The following ANKRD52 variants were observed in gnomAD, a reference collection of about 807,000 sequenced individuals.
The protein encoded by ANKRD52 is serine/threonine-protein phosphatase 6 regulatory ankyrin repeat subunit C.
A neutral mutation model predicts 116.0 loss-of-function variants in ANKRD52; 7 were observed. That is an observed-to-expected ratio of 0.06 (90% CI 0.03 to 0.11). ANKRD52 has a LOEUF of 0.11. ANKRD52 is among the 10% of genes least tolerant of loss of function. The pLI is 1.00. For synonymous variants in ANKRD52, 528 were observed against 578.1 expected (o/e 0.91, Z 1.24); for missense variants, 839 against 1,408.6 (o/e 0.60, Z 6.47).
rs1489107692 is a variant in ANKRD52, at chr12:56,243,011, C to T, written c.*131G>A. On this transcript the variant is annotated 3_prime_UTR_variant, in exon 28 of 28. Coordinates refer to ENST00000267116, the MANE Select transcript of ANKRD52 (RefSeq NM_173595.4). The surrounding 1 kb of genome is among the most constrained non-coding windows in gnomAD (Gnocchi z 4.6). Reference sequence around the variant, plus strand: ...GGCAAAGGGGTGAGCAGCTGCTCCCCAGGGCTTCCTTCCCCTCCGCCCCCT... The same window carrying T: ...GGCAAAGGGGTGAGCAGCTGCTCCCTAGGGCTTCCTTCCCCTCCGCCCCCT... The T allele has an allele frequency of 2.3e-6, 3 of 1,303,810 alleles. No homozygotes were observed. Among genetic ancestry groups the T allele is most frequent in the Non-Finnish European group, 3.1e-6 (3 of 979,980 alleles). The allele number at this position is 1,303,810 out of a possible 1,614,324, so 80.8% of individuals were successfully genotyped here. A position where few individuals can be genotyped will look rare whatever the true frequency, so the allele number is the denominator to read the frequency against.
Position 56,258,353 on chromosome 12 carries a change from G to C in ANKRD52, c.-84C>G. 1 of 1,364,996 alleles carries C rather than the reference G, an allele frequency of 7.3e-7. No homozygotes were observed. The highest frequency in any genetic ancestry group is 1.7e-5 in the South Asian group (1 of 57,448). 84.6% of individuals were successfully genotyped at this position (1,364,996 alleles called of 1,614,324 possible). ...GGGGACACGGAGCGGCCCAGGCGGCGGCTGCGGTGGCGGCTGCAGGGAGAG... is the reference window on the plus strand; with the variant it reads ...GGGGACACGGAGCGGCCCAGGCGGCCGCTGCGGTGGCGGCTGCAGGGAGAG... On this transcript the variant is annotated 5_prime_UTR_variant, in exon 1 of 28. Coordinates refer to ENST00000267116, the MANE Select transcript of ANKRD52 (RefSeq NM_173595.4).
Position 56,242,955 on chromosome 12 carries a change from G to T in ANKRD52, c.*187C>A. 1 of 869,566 alleles carries T rather than the reference G, an allele frequency of 1.2e-6. No homozygotes were observed. The highest frequency in any genetic ancestry group is 1.7e-6 in the Non-Finnish European group (1 of 588,176). 53.9% of individuals were successfully genotyped at this position (869,566 alleles called of 1,614,324 possible). ...CAAGGGCCTGGGGTGCTCCCTGTCA[G>T]TCCCAGACCCCTGCCAGGCCAAGAT... is the stretch of plus-strand genomic sequence containing the variant. On this transcript the variant is annotated 3_prime_UTR_variant, in exon 28 of 28. Transcript: ENST00000267116. This position sits in a 1 kb window ranked among gnomAD's most constrained non-coding sequence, Gnocchi z 4.3.
At chr12:56,249,450 A>G (rs1197116476) in intron 15 of ANKRD52, among the ~76,000 whole-genome samples, 2 of 152,230 alleles carry the variant, frequency 1.3e-5, no homozygotes, top group Admixed American at 6.5e-5. Flanking sequence ...ATCCTCATAA[A>G]GATCCCATGA....
At chr12:56,256,722 G>T (rs185015195) in intron 4 of ANKRD52, among the ~76,000 whole-genome samples, 4 of 152,350 alleles carry the variant, frequency 2.6e-5, no homozygotes, top group Non-Finnish European at 5.9e-5. Context: ...GCCCAGAGGG[G>T]GATCAGACTC....
In ANKRD52 at chr12:56,254,902, T is replaced by G; in HGVS notation, c.513A>C (p.Lys171Asn). 1 of 1,613,634 alleles carries G rather than the reference T, an allele frequency of 6.2e-7. No individual in the cohort carries two copies. Among genetic ancestry groups the G allele is most frequent in the Non-Finnish European group, 8.5e-7 (1 of 1,179,554 alleles). ...NKGASLNVCD[K>N]KERQPLHWAA... The stretch of plus-strand genomic sequence containing the variant: ...CCCAATGCAGAGGCTGCCGCTCCTT[T>G]TTGTCACAGACATTCAGGCTGGCTC... The change falls in exon 6 of 28, where the codon AAA becomes AAC. Residue 171 changes from lysine to asparagine, a missense_variant. This residue lies in a region of ANKRD52 where 287 missense variants were observed against 598.1 expected (regional missense o/e 0.48). Coordinates refer to ENST00000267116, the MANE Select transcript of ANKRD52 (RefSeq NM_173595.4). This position sits in a 1 kb window ranked among gnomAD's most constrained non-coding sequence, Gnocchi z 4.6.
In ANKRD52 at chr12:56,237,880, C is replaced by A; in HGVS notation, c.*5262G>T. Reference sequence around the variant, plus strand: ...TACGACAGTTGTACTTGCACCAAAACAGCATAGAAAACCAGAGTGTGGTGG... The same window carrying A: ...TACGACAGTTGTACTTGCACCAAAAAAGCATAGAAAACCAGAGTGTGGTGG... On this transcript the variant is annotated 3_prime_UTR_variant, in exon 28 of 28. Coordinates refer to ENST00000267116, the MANE Select transcript of ANKRD52 (RefSeq NM_173595.4). The A allele has an allele frequency of 9.6e-7, 1 of 1,046,588 alleles. No homozygotes were observed. The highest frequency in any genetic ancestry group is 1.3e-6 in the Non-Finnish European group (1 of 762,550). The allele number at this position is 1,046,588 out of a possible 1,614,324, so 64.8% of individuals were successfully genotyped here. A position where few individuals can be genotyped will look rare whatever the true frequency, so the allele number is the denominator to read the frequency against.
In ANKRD52 at chr12:56,237,928, G is replaced by C; in HGVS notation, c.*5214C>G. ...TGGGAGGACCCGAAGCCGGTTGGGG[G>C]AGGATGTGAGTAGGGGCCTGGAGGG... On this transcript the variant is annotated 3_prime_UTR_variant, in exon 28 of 28. Transcript: ENST00000267116. 1 of 608,540 alleles carries C rather than the reference G, an allele frequency of 1.6e-6. No homozygotes were observed. The highest frequency in any genetic ancestry group is 2.7e-6 in the Non-Finnish European group (1 of 376,102). 37.7% of individuals were successfully genotyped at this position (608,540 alleles called of 1,614,324 possible).
chr12:56,243,132 C>T lies in ANKRD52; in HGVS notation c.*10G>A, dbSNP rs746623764. ...TCAAGCCACCGGCGGGGGAGGGACA[C>T]TGGAGGGGGCTACTCAGAGTAGCAG... On this transcript the variant is annotated 3_prime_UTR_variant, in exon 28 of 28. Coordinates refer to ENST00000267116, the MANE Select transcript of ANKRD52 (RefSeq NM_173595.4). This position sits in a 1 kb window ranked among gnomAD's most constrained non-coding sequence, Gnocchi z 4.6. 2.2e-5 allele frequency: 34 copies of T among 1,578,592 alleles called. No homozygotes were observed. In the South Asian group the frequency reaches 2.8e-4, roughly 13 times the overall value.
intron 20 of ANKRD52, among the ~76,000 whole-genome samples, chr12:56,246,825 C>T (rs1312818446): frequency 6.6e-6 from 1 of 151,384 alleles, no homozygotes; most frequent in African/African-American, 2.4e-5. Context: ...GAGGCTGAGG[C>T]AGGAGAATTG....
rs1409423841 is a variant in ANKRD52 at position 56,248,709 on chromosome 12, C to T, written c.1704+50G>A. ...CCCTTAGTTTTGGAATCCACAAACC[C>T]TGTGCCCTGCCCCTGCCTCCCCTCC... On this transcript the variant is annotated intron_variant, in intron 16 of 27. Coordinates refer to ENST00000267116, the MANE Select transcript of ANKRD52 (RefSeq NM_173595.4). This position sits in a 1 kb window ranked among gnomAD's most constrained non-coding sequence, Gnocchi z 5.1. 2 of 1,539,142 alleles carry T rather than the reference C, an allele frequency of 1.3e-6. No homozygotes were observed. The highest frequency in any genetic ancestry group is 1.8e-6 in the Non-Finnish European group (2 of 1,127,342).
In ANKRD52 at chr12:56,253,983, C is replaced by T; in HGVS notation, c.906+84G>A. The T allele has an allele frequency of 2.1e-6, 3 of 1,437,024 alleles. No individual in the cohort carries two copies. Among genetic ancestry groups the T allele is most frequent in the East Asian group, 4.7e-5 (2 of 42,964 alleles). 89.0% of individuals were successfully genotyped at this position (1,437,024 alleles called of 1,614,324 possible). On this transcript the variant is annotated intron_variant, in intron 8 of 27. Transcript: ENST00000267116. This position sits in a 1 kb window ranked among gnomAD's most constrained non-coding sequence, Gnocchi z 5.5. ...ACCCTAGGAAGCAAGTGGATAATTC[C>T]CCAAGAGAGCTATCCAGATACAGTC...
Position 56,244,019 on chromosome 12 carries a change from C to G in ANKRD52, c.2888+32G>C. 1.2e-6 allele frequency: 2 copies of G among 1,612,044 alleles called. No individual in the cohort carries two copies. Among genetic ancestry groups the G allele is most frequent in the Non-Finnish European group, 1.7e-6 (2 of 1,178,752 alleles). On this transcript the variant is annotated intron_variant, in intron 26 of 27. Transcript: ENST00000267116. This position sits in a 1 kb window ranked among gnomAD's most constrained non-coding sequence, Gnocchi z 4.9. ...CTCTTTCATCACCCACTGGCCTCCC[C>G]CAGCCAGGAGCCCCCTTCCCCAGGC...
intron 20 of ANKRD52, among the ~76,000 whole-genome samples, chr12:56,246,422 C>T (rs1012007205): frequency 2.6e-5 from 4 of 152,150 alleles, no homozygotes; most frequent in African/African-American, 9.7e-5. Context: ...AGAGTTAATA[C>T]TGGAGCTCTG....
rs778011826 is a variant in ANKRD52 at position 56,245,592 on chromosome 12, A to G, written c.2189T>C (p.Val730Ala). ...AGCCAGGCAGTCCTCACAGCCAGTCACTGCCTGTGAGTAACATGGGGGTGT... is the reference window on the plus strand; with the variant it reads ...AGCCAGGCAGTCCTCACAGCCAGTCGCTGCCTGTGAGTAACATGGGGGTGT... ...RGRTALHRGA[V>A]TGCEDCLAAL... Residue 730 changes from valine to alanine, a missense_variant, in exon 21 of 28, where the codon GTG (valine) becomes GCG (alanine). Coordinates refer to ENST00000267116, the MANE Select transcript of ANKRD52 (RefSeq NM_173595.4). The G allele has an allele frequency of 1.2e-6, 2 of 1,604,514 alleles. No individual in the cohort carries two copies. Among genetic ancestry groups the G allele is most frequent in the East Asian group, 4.5e-5 (2 of 44,822 alleles).
In ANKRD52 at chr12:56,254,520, G is replaced by C. The variant is rs1871852921; in HGVS notation, c.693+58C>G. 1.3e-6 allele frequency: 2 copies of C among 1,593,654 alleles called. No homozygotes were observed. Among genetic ancestry groups the C allele is most frequent in the Non-Finnish European group, 1.7e-6 (2 of 1,170,092 alleles). On this transcript the variant is annotated intron_variant, in intron 7 of 27. Transcript: ENST00000267116. The surrounding 1 kb of genome is among the most constrained non-coding windows in gnomAD (Gnocchi z 4.6). ...CCCAATACCTCATATCTCCGTAACA[G>C]ACTATAATCTCCTACTTGCTGCCCA...
Position 56,243,526 on chromosome 12 carries a change from C to G in ANKRD52, c.2981-134G>C, listed in dbSNP as rs956641267. 7.5e-7 allele frequency: 1 copy of G among 1,329,960 alleles called. No homozygotes were observed. Among genetic ancestry groups the G allele is most frequent in the Non-Finnish European group, 1.0e-6 (1 of 985,506 alleles). 82.4% of individuals were successfully genotyped at this position (1,329,960 alleles called of 1,614,324 possible). On this transcript the variant is annotated intron_variant, in intron 27 of 27. Coordinates refer to ENST00000267116, the MANE Select transcript of ANKRD52 (RefSeq NM_173595.4). This position sits in a 1 kb window ranked among gnomAD's most constrained non-coding sequence, Gnocchi z 4.6. ...CAGCAGCGGCAGAATCCAAGGGTGA[C>G]GAGGGCCCAGGAAGGCTGACAGGCA...
intron 2 of ANKRD52, 38 bp from the exon 3 acceptor site, chr12:56,257,399 G>C (rs1274353399): frequency 1.3e-6 from 2 of 1,527,458 alleles, no homozygotes; most frequent in Non-Finnish European, 1.8e-6. Flanking sequence ...ATGGGCGCGG[G>C]GTAAGGGGGC....
At position 56,248,679 on chromosome 12, in the gene ANKRD52, T is replaced by C. The variant is rs964747306; in HGVS notation, c.1704+80A>G. ...CTCTGGATCCAAAGACCACATTTGA[T>C]TGAACCCTTAGTTTTGGAATCCACA... On this transcript the variant is annotated intron_variant, in intron 16 of 27. Coordinates refer to ENST00000267116, the MANE Select transcript of ANKRD52 (RefSeq NM_173595.4). This position sits in a 1 kb window ranked among gnomAD's most constrained non-coding sequence, Gnocchi z 5.1. The C allele has an allele frequency of 1.0e-5, 15 of 1,490,660 alleles. No individual in the cohort carries two copies. The highest frequency in any genetic ancestry group is 3.9e-5 in the Admixed American group (2 of 50,992). The allele number at this position is 1,490,660 out of a possible 1,614,324, so 92.3% of individuals were successfully genotyped here. A position where few individuals can be genotyped will look rare whatever the true frequency, so the allele number is the denominator to read the frequency against.
At position 56,248,738 on chromosome 12, in the gene ANKRD52, A is replaced by C; in HGVS notation, c.1704+21T>G. ...GCCCTGCCCCTGCCTCCCCTCCTGC[A>C]GGCCGGGCCCCAACACATACCAGTT... On this transcript the variant is annotated intron_variant, in intron 16 of 27. Coordinates refer to ENST00000267116, the MANE Select transcript of ANKRD52 (RefSeq NM_173595.4). The surrounding 1 kb of genome is among the most constrained non-coding windows in gnomAD (Gnocchi z 5.1). The C allele has an allele frequency of 6.3e-7, 1 of 1,585,582 alleles. No homozygotes were observed. Among genetic ancestry groups the C allele is most frequent in the Non-Finnish European group, 8.6e-7 (1 of 1,161,686 alleles).
Sources: allele counts gnomAD v4.1 joint callset (sites outside exome capture counted in the v4.1 genomes callset), GRCh38; gene constraint gnomAD v4.1.1; regional missense constraint gnomAD v4.1.1; non-coding constraint Gnocchi (gnomAD v3.1); transcripts MANE v1.5; gene names NCBI Gene and HGNC (gene_info 2026-07-23, HGNC 2026-07-21).